The following UBE2K variants were observed in gnomAD, a reference collection of about 807,000 sequenced individuals.
UBE2K encodes the protein ubiquitin-conjugating enzyme E2 K.
A neutral mutation model predicts 30.0 loss-of-function variants in UBE2K; 6 were observed. The observed-to-expected ratio is 0.20, with a 90% CI of 0.11 to 0.39. UBE2K has a LOEUF of 0.39. UBE2K is among the 10% of genes least tolerant of loss of function. The pLI is 1.00. For synonymous variants in UBE2K, 86 were observed against 83.7 expected (o/e 1.03, Z -0.15); for missense variants, 61 against 241.6 (o/e 0.25, Z 4.96).
intron 4 of UBE2K, among the ~76,000 whole-genome samples, chr4:39,773,187 T>C (rs939406852): frequency 6.6e-6 from 1 of 152,000 alleles, no homozygotes; most frequent in Non-Finnish European, 1.5e-5. Flanking sequence ...CTTGAAAATA[T>C]GGCCGGGCGC....
intron 4 of UBE2K, among the ~76,000 whole-genome samples, chr4:39,762,686 G>A (rs1266300691): frequency 2.0e-5 from 3 of 152,232 alleles, no homozygotes; most frequent in East Asian, 1.9e-4. Flanking sequence ...GCAGGCTGGT[G>A]TGCAATGGCA....
At position 39,718,864 on chromosome 4, in the gene UBE2K, G is replaced by A. The variant is rs752923467; in HGVS notation, c.64-18556G>A. 7.2e-5 allele frequency among the ~76,000 whole-genome samples: 11 copies of A among 152,382 alleles called. No individual in the cohort carries two copies. In the East Asian group the frequency reaches 7.7e-4, roughly 11 times the overall value. ...GCCTGCAAACGCCGTGCGCAGCCCC[G>A]GTTCCCACCCGTGCCTCTCCCTTCA... On this transcript the variant is annotated intron_variant, in intron 1 of 6. Coordinates refer to ENST00000261427, the MANE Select transcript of UBE2K (RefSeq NM_005339.5).
rs997599446 is a variant in UBE2K, at chr4:39,776,399, G to A, written c.400-1283G>A. Among the ~76,000 whole-genome samples the A allele has an allele frequency of 1.6e-4, 25 of 152,092 alleles. No individual in the cohort carries two copies. The Middle Eastern group carries it at 0.01, about 63-fold the overall frequency. Reference sequence around the variant, plus strand: ...TTCTCCATCTTCTACATTGCTATCAGGTAGCTTTATAAAGTGCAAATCTTA... The same window carrying A: ...TTCTCCATCTTCTACATTGCTATCAAGTAGCTTTATAAAGTGCAAATCTTA... On this transcript the variant is annotated intron_variant, in intron 5 of 6. Coordinates refer to ENST00000261427, the MANE Select transcript of UBE2K (RefSeq NM_005339.5).
chr4:39,722,712 C>T (rs969139206), intron 1 of UBE2K, among the ~76,000 whole-genome samples: 4 of 151,992 alleles, frequency 2.6e-5, no homozygotes, highest in Non-Finnish European at 4.4e-5. Flanking sequence ...CCACATAAGA[C>T]AGCAGCCCGT....
At chr4:39,775,571 G>A (rs1578514180) in intron 5 of UBE2K, among the ~76,000 whole-genome samples, 1 of 152,074 alleles carries the variant, frequency 6.6e-6, no homozygotes, top group Admixed American at 6.6e-5. Context: ...TGACCAACGT[G>A]GTGAAATCCT....
intron 4 of UBE2K, among the ~76,000 whole-genome samples, chr4:39,773,312 CA>C (rs1371168469): frequency 6.6e-6 from 1 of 150,958 alleles, no homozygotes; most frequent in Non-Finnish European, 1.5e-5. Flanking sequence ...ACTAAAACTA[CA>C]AAAAATTAGC....
chr4:39,699,583 A>G (rs894442098), intron 1 of UBE2K, among the ~76,000 whole-genome samples: 1 of 152,220 alleles, frequency 6.6e-6, no homozygotes, highest in African/African-American at 2.4e-5. Context: ...TCTTCCCCAC[A>G]TGAATTAAAC....
In UBE2K at chr4:39,781,936, TG is replaced by T. The variant is rs1166217050; in HGVS notation, c.*3503del. 1.3e-5 allele frequency: 5 copies of T among 398,526 alleles called. No homozygotes were observed. In the East Asian group the frequency reaches 1.8e-4, roughly 14 times the overall value. The allele number at this position is 398,526 out of a possible 1,614,324, so 24.7% of individuals were successfully genotyped here. ...GAAGAAGGCAACTTGAAGTATTTAC[TG>T]ATAAAATAGCCTTTATTCCCAAGTG... On this transcript the variant is annotated 3_prime_UTR_variant, in exon 7 of 7. Coordinates refer to ENST00000261427, the MANE Select transcript of UBE2K (RefSeq NM_005339.5).
chr4:39,763,480 A>G (rs573097682), intron 4 of UBE2K, among the ~76,000 whole-genome samples: 1 of 151,494 alleles, frequency 6.6e-6, no homozygotes, highest in South Asian at 2.1e-4. Context: ...CGAACTCCCA[A>G]CCTCGGATCA....
chr4:39,750,683 T>C (rs1721209099), intron 3 of UBE2K, among the ~76,000 whole-genome samples: 1 of 151,748 alleles, frequency 6.6e-6, no homozygotes, highest in African/African-American at 2.4e-5. Flanking sequence ...CTTGATTCAC[T>C]GTGCTGGGCC....
intron 4 of UBE2K, chr4:39,761,405 A>G (rs1483934351): frequency 1.3e-5 from 2 of 152,242 alleles, no homozygotes; most frequent in Non-Finnish European, 2.9e-5. Context: ...AAGATCCTTA[A>G]CAGAAAAGTT....
intron 3 of UBE2K, among the ~76,000 whole-genome samples, chr4:39,748,029 T>A (rs1033698262): frequency 6.6e-6 from 1 of 152,124 alleles, no homozygotes; most frequent in East Asian, 1.9e-4. Context: ...CTTGAACTAC[T>A]GACTCCATCT....
intron 1 of UBE2K, among the ~76,000 whole-genome samples, chr4:39,699,342 G>A (rs1342545012): frequency 6.6e-6 from 1 of 152,140 alleles, no homozygotes; most frequent in Admixed American, 6.6e-5. Flanking sequence ...TATTAAAAAT[G>A]TGAAATTTCA....
At chr4:39,764,274 G>A (rs1317957330) in intron 4 of UBE2K, among the ~76,000 whole-genome samples, 1 of 152,190 alleles carries the variant, frequency 6.6e-6, no homozygotes, top group Non-Finnish European at 1.5e-5. Flanking sequence ...GAAAGTCAGG[G>A]CTGCAGTGAG....
chr4:39,753,438 T>A (rs540953091), intron 3 of UBE2K, among the ~76,000 whole-genome samples: 6 of 152,354 alleles, frequency 3.9e-5, no homozygotes, highest in African/African-American at 1.4e-4. Flanking sequence ...TTTAGCCTTA[T>A]AATAACATTT....
chr4:39,770,153 C>T (rs187133437), intron 4 of UBE2K: 1 of 1,604,234 alleles, frequency 6.2e-7, no homozygotes, highest in East Asian at 2.2e-5. Flanking sequence ...TGCCGTGTTG[C>T]TCCTTGAGAT....
chr4:39,777,695 C>A lies in UBE2K; in HGVS notation c.413C>A (p.Pro138His). 6.4e-7 allele frequency: 1 copy of A among 1,559,688 alleles called. No homozygotes were observed. The highest frequency in any genetic ancestry group is 1.7e-4 in the Middle Eastern group (1 of 5,914). Residue 138 changes from proline to histidine, a missense_variant, in exon 6 of 7, where the codon CCC (proline) becomes CAC (histidine). Physicochemically the swap from Pro to His is moderately conservative, Grantham distance 77. Coordinates refer to ENST00000261427, the MANE Select transcript of UBE2K (RefSeq NM_005339.5). ...AVVANQYKQN[P>H]EMFKQTARLW... is the part of the protein sequence containing the mutation. ...CCCCCCATATAGTACAAACAAAATC[C>A]CGAAATGTTCAAACAGACAGCTCGA...
chr4:39,761,127 T>A (rs1269271974), intron 4 of UBE2K: 3 of 152,156 alleles, frequency 2.0e-5, no homozygotes, highest in Admixed American at 2.0e-4. Flanking sequence ...AAGTTGGGCA[T>A]AAGTATGGTG....
rs1222161185 is a variant in UBE2K, at chr4:39,780,493, A to G, written c.*2059A>G. 3 of 152,118 alleles carry G rather than the reference A, an allele frequency of 2.0e-5. No individual in the cohort carries two copies. The highest frequency in any genetic ancestry group is 6.6e-5 in the Admixed American group (1 of 15,264). The allele number at this position is 152,118 out of a possible 1,614,324, so 9.4% of individuals were successfully genotyped here. A position where few individuals can be genotyped will look rare whatever the true frequency, so the allele number is the denominator to read the frequency against. ...GCATTTTACATATATACATACATACATGCTCTTGGAGGCAGCTATATCCTG... is the reference window on the plus strand; with the variant it reads ...GCATTTTACATATATACATACATACGTGCTCTTGGAGGCAGCTATATCCTG... On this transcript the variant is annotated 3_prime_UTR_variant, in exon 7 of 7. Coordinates refer to ENST00000261427, the MANE Select transcript of UBE2K (RefSeq NM_005339.5).
Sources: gnomAD v4.1 joint callset for allele counts (sites outside exome capture counted in the v4.1 genomes callset) on GRCh38, gnomAD v4.1.1 for gene constraint, MANE v1.5 for transcripts, NCBI Gene and HGNC (gene_info 2026-07-23, HGNC 2026-07-21) for gene names.